The following LRP1B variants were observed in gnomAD, a reference collection of about 807,000 sequenced individuals.
LRP1B encodes low-density lipoprotein receptor-related protein 1B.
In LRP1B, 217 loss-of-function variants were observed where a neutral mutation model predicts 556.6. The observed-to-expected ratio is 0.39, with a 90% CI of 0.35 to 0.44. LRP1B has a LOEUF of 0.44. LRP1B is among the 20% of genes least tolerant of loss of function. LRP1B has a pLI of 1.00. For missense variants in LRP1B, 5,053 were observed against 5,620.8 expected (o/e 0.90, Z 3.23); for synonymous variants, 2,047 against 1,865.8 (o/e 1.10, Z -2.50).
At chr2:140,503,135 C>T in intron 53 of LRP1B, 32 bp from the exon 54 acceptor site, 1 of 1,604,514 alleles carries the variant, frequency 6.2e-7, no homozygotes, top group Non-Finnish European at 8.5e-7. Context: ...TTGACTAATT[C>T]ACATAACAAA....
intron 66 of LRP1B, among the ~76,000 whole-genome samples, chr2:140,397,191 A>G (rs1023629704): frequency 3.3e-5 from 5 of 152,108 alleles, no homozygotes; most frequent in African/African-American, 1.2e-4. Flanking sequence ...TCTAATCTCT[A>G]TTTTTAAGTT....
chr2:141,768,223 C>T (rs1694790278), intron 2 of LRP1B, among the ~76,000 whole-genome samples: 2 of 152,096 alleles, frequency 1.3e-5, no homozygotes, highest in South Asian at 4.1e-4. Context: ...AATGGCTTAT[C>T]ATACAGATCT....
intron 3 of LRP1B, among the ~76,000 whole-genome samples, chr2:141,376,233 A>G (rs1190097549): frequency 7.2e-5 from 11 of 152,152 alleles, no homozygotes; most frequent in Non-Finnish European, 1.3e-4. Flanking sequence ...TCTCTGTGCA[A>G]TCTTTAGGTA....
intron 55 of LRP1B, among the ~76,000 whole-genome samples, chr2:140,496,630 T>C (rs1688955957): frequency 6.6e-6 from 1 of 152,092 alleles, no homozygotes; most frequent in Non-Finnish European, 1.5e-5. Flanking sequence ...TTTTTTGCCT[T>C]CCTAAAAACG....
intron 60 of LRP1B, among the ~76,000 whole-genome samples, chr2:140,461,398 C>T (rs1687312753): frequency 6.6e-6 from 1 of 152,104 alleles, no homozygotes; most frequent in South Asian, 2.1e-4. Context: ...GGGCTTTCTG[C>T]ACTGAGTTAG....
chr2:141,946,903 T>G (rs889186889), intron 1 of LRP1B, among the ~76,000 whole-genome samples: 5 of 152,152 alleles, frequency 3.3e-5, no homozygotes, highest in South Asian at 2.1e-4. Context: ...AGCACATTAC[T>G]CAAGATCAGG....
At position 140,813,758 on chromosome 2, in the gene LRP1B, C is replaced by T. The variant is rs746539472; in HGVS notation, c.5258G>A (p.Gly1753Glu). ...GTTGCATCTATTTATGGTTCCATTC[C>T]CTGAACTGATCCAATAAAGCTTGTT... ...VENKLYWISS[G>E]NGTINRCNLD... The change falls in exon 32 of 91, where the codon GGG becomes GAG. Residue 1753 changes from glycine to glutamate, a missense_variant. By Grantham distance (98) the Gly-to-Glu change is moderately conservative. This residue lies in a region of LRP1B where 3,619 missense variants were observed against 3,931.9 expected (regional missense o/e 0.92). Coordinates refer to ENST00000389484, the MANE Select transcript of LRP1B (RefSeq NM_018557.3). 1.7e-5 allele frequency: 28 copies of T among 1,609,450 alleles called. No homozygotes were observed. Among genetic ancestry groups the T allele is most frequent in the Middle Eastern group, 1.7e-4 (1 of 6,050 alleles).
intron 79 of LRP1B, 81 bp from the exon 80 acceptor site, chr2:140,325,959 T>A (rs983663318): frequency 1.2e-6 from 1 of 842,976 alleles, no homozygotes; most frequent in Non-Finnish European, 2.0e-6. Flanking sequence ...TCTTATTGTA[T>A]AATTACACTT....
chr2:141,756,960 T>C (rs983613626), intron 2 of LRP1B, among the ~76,000 whole-genome samples: 1 of 152,150 alleles, frequency 6.6e-6, no homozygotes, highest in Non-Finnish European at 1.5e-5. Context: ...CACATACACA[T>C]ATGCAAATAC....
At position 141,099,904 on chromosome 2, in the gene LRP1B, A is replaced by G. The variant is rs543211937; in HGVS notation, c.1014-37631T>C. Among the ~76,000 whole-genome samples the G allele has an allele frequency of 3.9e-5, 6 of 152,272 alleles. No individual in the cohort carries two copies. The South Asian group carries it at 1.2e-3, about 32-fold the overall frequency. On this transcript the variant is annotated intron_variant, in intron 7 of 90. Coordinates refer to ENST00000389484, the MANE Select transcript of LRP1B (RefSeq NM_018557.3). Reference sequence around the variant, plus strand: ...CACTTTTTTGAAACCTGAATATTACATTGATTATCTAATTATCACATTCTG... The same window carrying G: ...CACTTTTTTGAAACCTGAATATTACGTTGATTATCTAATTATCACATTCTG...
At chr2:141,978,640 T>C (rs1213114327) in intron 1 of LRP1B, among the ~76,000 whole-genome samples, 2 of 151,938 alleles carry the variant, frequency 1.3e-5, no homozygotes, top group African/African-American at 4.8e-5. Flanking sequence ...ATAAAGGCAA[T>C]AGATTTAATG....
In LRP1B at chr2:140,414,000, C is replaced by CA. The variant is rs148591448; in HGVS notation, c.10415-27992dup. ...TGATGCAATCAGCTCACTGCAACCT[C>CA]AAACTCCTGGGCTCAAGCAATCCTC... On this transcript the variant is annotated intron_variant, in intron 66 of 90. Transcript: ENST00000389484. 6.4e-3 allele frequency among the ~76,000 whole-genome samples: 970 copies of CA among 152,276 alleles called. 11 individuals carry two copies. Among genetic ancestry groups the CA allele is most frequent in the African/African-American group, 0.021 (857 of 41,538 alleles).
intron 43 of LRP1B, among the ~76,000 whole-genome samples, chr2:140,576,246 T>G (rs1206340723): frequency 2.0e-5 from 3 of 152,164 alleles, no homozygotes; most frequent in East Asian, 3.9e-4. Flanking sequence ...AACTCTAGAC[T>G]TTGCTCCACA....
intron 59 of LRP1B, among the ~76,000 whole-genome samples, chr2:140,480,528 C>G (rs1265455453): frequency 6.6e-6 from 1 of 152,106 alleles, no homozygotes; most frequent in East Asian, 1.9e-4. Flanking sequence ...GCAACCTCCA[C>G]CTCCCTGGTT....
rs182411313 is a variant in LRP1B at position 140,359,001 on chromosome 2, A to G, written c.11132-55T>C. The G allele has an allele frequency of 2.4e-3, 3,703 of 1,525,990 alleles. 16 individuals carry two copies. Among genetic ancestry groups the G allele is most frequent in the Non-Finnish European group, 2.6e-3 (2,898 of 1,123,334 alleles). The allele number at this position is 1,525,990 out of a possible 1,614,324, so 94.5% of individuals were successfully genotyped here. On this transcript the variant is annotated intron_variant, in intron 72 of 90. Transcript: ENST00000389484. Reference sequence around the variant, plus strand: ...CTCCTTCGAGTACATTGCTTTATGAAGAACATTCTTCCTTTTTCTTTTATT... The same window carrying G: ...CTCCTTCGAGTACATTGCTTTATGAGGAACATTCTTCCTTTTTCTTTTATT...
intron 82 of LRP1B, among the ~76,000 whole-genome samples, chr2:140,317,018 G>T (rs1044704072): frequency 6.6e-6 from 1 of 152,066 alleles, no homozygotes; most frequent in Admixed American, 6.6e-5. Context: ...ATGGAGCTCC[G>T]GCGGAATACC....
chr2:140,382,574 A>T (rs1339859866), intron 67 of LRP1B, among the ~76,000 whole-genome samples: 1 of 152,196 alleles, frequency 6.6e-6, no homozygotes, highest in Non-Finnish European at 1.5e-5. Context: ...TTAATGAGGG[A>T]AATGATAAGC....
chr2:140,450,043 C>A (rs1686822546), intron 63 of LRP1B, among the ~76,000 whole-genome samples: 1 of 152,124 alleles, frequency 6.6e-6, no homozygotes, highest in South Asian at 2.1e-4. Flanking sequence ...TTGGTAATAT[C>A]TTTAGAGCAA....
rs561980952 is a variant in LRP1B, at chr2:141,345,019, A to G, written c.344-90378T>C. On this transcript the variant is annotated intron_variant, in intron 3 of 90. Coordinates refer to ENST00000389484, the MANE Select transcript of LRP1B (RefSeq NM_018557.3). ...GATTTAGATTATCCAAATGGGCCCAATGTAATCACAAGGGTCCTTACAAGT... is the reference window on the plus strand; with the variant it reads ...GATTTAGATTATCCAAATGGGCCCAGTGTAATCACAAGGGTCCTTACAAGT... 1.2e-4 allele frequency among the ~76,000 whole-genome samples: 19 copies of G among 152,302 alleles called. 1 individual carries two copies. The South Asian group carries it at 3.7e-3, about 30-fold the overall frequency.
Sources: gnomAD v4.1 joint callset for allele counts (sites outside exome capture counted in the v4.1 genomes callset) on GRCh38, gnomAD v4.1.1 for gene constraint, gnomAD v4.1.1 regional missense constraint, MANE v1.5 for transcripts, NCBI Gene and HGNC (gene_info 2026-07-23, HGNC 2026-07-21) for gene names.